KCNA2: variants seen among roughly 807,000 people sequenced by gnomAD.
KCNA2 encodes the protein potassium voltage-gated channel subfamily A member 2.
KCNA2 carries 11 observed loss-of-function variants against 33.4 expected under a neutral mutation model. That is an observed-to-expected ratio of 0.33 (90% CI 0.21 to 0.55). The LOEUF (loss-of-function observed/expected upper bound fraction) is 0.55. Ranked by LOEUF, KCNA2 falls within the 20% of genes least tolerant of loss-of-function variation. The pLI, the probability that KCNA2 is intolerant of heterozygous loss-of-function variation, is 0.93. For synonymous variants in KCNA2, 222 were observed against 231.3 expected (o/e 0.96, Z 0.37); for missense variants, 291 against 621.6 (o/e 0.47, Z 5.66).
At chr1:110,626,437 A>C (rs1557741429) in intron 1 of KCNA2, among the ~76,000 whole-genome samples, 1 of 152,204 alleles carries the variant, frequency 6.6e-6, no homozygotes, top group African/African-American at 2.4e-5. Context: ...CTGCACAAAA[A>C]ATACTAGAAC....
chr1:110,604,880 T>C lies in KCNA2; in HGVS notation c.-98A>G. 1 of 1,170,654 alleles carries C rather than the reference T, an allele frequency of 8.5e-7. No individual in the cohort carries two copies. The highest frequency in any genetic ancestry group is 1.5e-5 in the African/African-American group (1 of 65,126). The allele number at this position is 1,170,654 out of a possible 1,614,324, so 72.5% of individuals were successfully genotyped here. Reference sequence around the variant, plus strand: ...ACTGGCCCCAGGAAGCACAGGAGCATTGGCCTGGTCTCCTGCAGGAGAGCC... The same window carrying C: ...ACTGGCCCCAGGAAGCACAGGAGCACTGGCCTGGTCTCCTGCAGGAGAGCC... On this transcript the variant is annotated 5_prime_UTR_variant, in exon 3 of 3. The change abolishes an upstream ATG in the 5' untranslated region. Coordinates refer to ENST00000316361, the MANE Select transcript of KCNA2 (RefSeq NM_004974.4). This position sits in a 1 kb window ranked among gnomAD's most constrained non-coding sequence, Gnocchi z 7.6.
chr1:110,626,189 G>A (rs539143390), intron 1 of KCNA2, among the ~76,000 whole-genome samples: 1 of 152,280 alleles, frequency 6.6e-6, no homozygotes, highest in South Asian at 2.1e-4. Flanking sequence ...GTAAAAGACT[G>A]GAAACAGCCC....
Position 110,602,009 on chromosome 1 carries a change from A to G in KCNA2, c.*1274T>C. 3 of 1,549,544 alleles carry G rather than the reference A, an allele frequency of 1.9e-6. No individual in the cohort carries two copies. Among genetic ancestry groups the G allele is most frequent in the Non-Finnish European group, 1.7e-6 (2 of 1,146,548 alleles). ...AAAGAGAGATACTCGATATATATTT[A>G]TATACACTGGATCCACAGACCTGCC... On this transcript the variant is annotated 3_prime_UTR_variant, in exon 3 of 3. Transcript: ENST00000316361.
Sources: allele counts gnomAD v4.1 joint callset (sites outside exome capture counted in the v4.1 genomes callset), GRCh38; gene constraint gnomAD v4.1.1; non-coding constraint Gnocchi (gnomAD v3.1); transcripts MANE v1.5; gene names NCBI Gene and HGNC (gene_info 2026-07-23, HGNC 2026-07-21).